The following SCAPER variants were observed in gnomAD, a reference collection of about 807,000 sequenced individuals.
The protein encoded by SCAPER is S phase cyclin A-associated protein in the endoplasmic reticulum.
SCAPER carries 98 observed loss-of-function variants against 182.2 expected under a neutral mutation model. The observed-to-expected ratio is 0.54, with a 90% CI of 0.46 to 0.64. The LOEUF (loss-of-function observed/expected upper bound fraction) is 0.64. Among genes scored for constraint, SCAPER ranks in the 30% least tolerant of loss-of-function variants. SCAPER has a pLI of 0.00. For synonymous variants in SCAPER, 605 were observed against 564.6 expected (o/e 1.07, Z -1.01); for missense variants, 1,432 against 1,690.0 (o/e 0.85, Z 2.68).
intron 21 of SCAPER, among the ~76,000 whole-genome samples, chr15:76,626,754 G>A (rs1308502629): frequency 6.6e-6 from 1 of 152,138 alleles, no homozygotes; most frequent in African/African-American, 2.4e-5. Context: ...ATGGGGCAGA[G>A]TAAGTGACAG....
chr15:76,444,384 A>C (rs2047846244), intron 25 of SCAPER, among the ~76,000 whole-genome samples: 1 of 152,208 alleles, frequency 6.6e-6, no homozygotes, highest in Admixed American at 6.5e-5. Flanking sequence ...GATGGAACTT[A>C]AGTTAAAAAA....
rs369481379 is a variant in SCAPER at position 76,835,305 on chromosome 15, TA to T, written c.393+6428del. ...AGAAAAACAAAACTGAACAATATAC[TA>T]GCAAACAGAATCAAGCAGCACATCA... On this transcript the variant is annotated intron_variant, in intron 5 of 31. Coordinates refer to ENST00000563290, the MANE Select transcript of SCAPER (RefSeq NM_020843.4). 8.2e-4 allele frequency among the ~76,000 whole-genome samples: 124 copies of T among 152,018 alleles called. 1 individual carries two copies. Among genetic ancestry groups the T allele is most frequent in the African/African-American group, 2.8e-3 (116 of 41,464 alleles).
At position 76,795,310 on chromosome 15, in the gene SCAPER, T is replaced by C; in HGVS notation, c.742A>G (p.Met248Val). The change falls in exon 8 of 32, where the codon ATG becomes GTG. Residue 248 changes from methionine to valine, a missense_variant. Met to Val is a conservative substitution (Grantham distance 21, BLOSUM62 1). Transcript: ENST00000563290. ...EITPAQSCPPMTVQKASRKNE... is the reference protein window; with the variant it reads ...EITPAQSCPPVTVQKASRKNE... The stretch of plus-strand genomic sequence containing the variant: ...TTGCGTGAGGCCTTCTGCACTGTCA[T>C]TGGTGGGCAAGACTGGGCGGGTGTT... 1 of 1,613,130 alleles carries C rather than the reference T, an allele frequency of 6.2e-7. No individual in the cohort carries two copies. The highest frequency in any genetic ancestry group is 1.3e-5 in the African/African-American group (1 of 75,020).
At chr15:76,418,107 C>A (rs2045783708) in intron 26 of SCAPER, among the ~76,000 whole-genome samples, 1 of 152,164 alleles carries the variant, frequency 6.6e-6, no homozygotes, top group South Asian at 2.1e-4. Flanking sequence ...TCCCCCTCCA[C>A]CCCAACAGGA....
chr15:76,633,412 C>G (rs1400612807), intron 21 of SCAPER, among the ~76,000 whole-genome samples: 1 of 152,226 alleles, frequency 6.6e-6, no homozygotes, highest in African/African-American at 2.4e-5. Context: ...GGAACGGGAT[C>G]AGGGTCTTGC....
At chr15:76,385,829 A>G (rs1418119595) in intron 27 of SCAPER, among the ~76,000 whole-genome samples, 1 of 152,220 alleles carries the variant, frequency 6.6e-6, no homozygotes, top group Admixed American at 6.5e-5. Context: ...TAGAGGCATT[A>G]CAGTCTAATA....
chr15:76,658,950 A>T (rs279996), intron 21 of SCAPER, among the ~76,000 whole-genome samples: 1 of 152,072 alleles, frequency 6.6e-6, no homozygotes, highest in South Asian at 2.1e-4. Flanking sequence ...AATGTGAAAC[A>T]TCAAACTATA....
chr15:76,839,343 T>A (rs1475088317), intron 5 of SCAPER, among the ~76,000 whole-genome samples: 2 of 152,184 alleles, frequency 1.3e-5, no homozygotes, highest in African/African-American at 2.4e-5. Context: ...AATGGCTGAA[T>A]CCACGTACAA....
chr15:76,735,110 G>C (rs889245566), intron 15 of SCAPER, among the ~76,000 whole-genome samples: 1 of 152,002 alleles, frequency 6.6e-6, no homozygotes. Flanking sequence ...CGTTAGGAGG[G>C]CCGGGCAGGA....
chr15:76,726,140 TATATATATATATATAA>T (rs1399083129), intron 17 of SCAPER, among the ~76,000 whole-genome samples: 19 of 124,782 alleles, frequency 1.5e-4, no homozygotes, highest in South Asian at 2.5e-4. Flanking sequence ...TATATATATA[TATATATATATATATAA>T]AAAACTCTAT....
chr15:76,359,233 A>G (rs558223513), intron 29 of SCAPER, among the ~76,000 whole-genome samples: 26 of 150,594 alleles, frequency 1.7e-4, no homozygotes, highest in Admixed American at 1.5e-3. Flanking sequence ...CCATCTCTCC[A>G]TAAGGACTAC....
chr15:76,648,811 T>A (rs1479908804), intron 21 of SCAPER, among the ~76,000 whole-genome samples: 1 of 152,250 alleles, frequency 6.6e-6, no homozygotes, highest in Non-Finnish European at 1.5e-5. Context: ...GGGAAAAAAG[T>A]ACCTGGTGGC....
At chr15:76,412,233 G>C (rs1040672770) in intron 26 of SCAPER, among the ~76,000 whole-genome samples, 3 of 152,138 alleles carry the variant, frequency 2.0e-5, no homozygotes, top group Middle Eastern at 3.2e-3. Context: ...AGGAATGATA[G>C]ATGGGGTTAT....
At chr15:76,438,384 G>A (rs919015476) in intron 25 of SCAPER, among the ~76,000 whole-genome samples, 15 of 152,062 alleles carry the variant, frequency 9.9e-5, no homozygotes, top group Non-Finnish European at 1.9e-4. Flanking sequence ...ATGTGGTTTG[G>A]GGACCAAATG....
chr15:76,423,833 T>C (rs1292166063), intron 26 of SCAPER, among the ~76,000 whole-genome samples: 1 of 152,244 alleles, frequency 6.6e-6, no homozygotes, highest in Admixed American at 6.5e-5. Flanking sequence ...TTGCTCTCAT[T>C]GGTTTCAAAG....
chr15:76,770,848 C>G (rs1416591040), intron 10 of SCAPER, among the ~76,000 whole-genome samples: 1 of 152,026 alleles, frequency 6.6e-6, no homozygotes, highest in Non-Finnish European at 1.5e-5. Context: ...CTAAAAGACA[C>G]AAGATGAAAA....
intron 21 of SCAPER, among the ~76,000 whole-genome samples, chr15:76,632,746 C>T (rs907963573): frequency 6.8e-6 from 1 of 147,064 alleles, no homozygotes. Context: ...GATTTATTTC[C>T]TTTGATCTCT....
At chr15:76,481,490 G>A (rs564289185) in intron 24 of SCAPER, among the ~76,000 whole-genome samples, 4 of 152,028 alleles carry the variant, frequency 2.6e-5, no homozygotes, top group Non-Finnish European at 4.4e-5. Context: ...CCTCATACAC[G>A]CTGCATATAT....
At chr15:76,572,927 A>T (rs1356322703) in intron 23 of SCAPER, among the ~76,000 whole-genome samples, 179 of 151,370 alleles carry the variant, frequency 1.2e-3, no homozygotes, top group African/African-American at 4.3e-3. Context: ...TCTCACACAC[A>T]CACACACACA....
Sources: allele counts gnomAD v4.1 joint callset (sites outside exome capture counted in the v4.1 genomes callset), GRCh38; gene constraint gnomAD v4.1.1; transcripts MANE v1.5; gene names NCBI Gene and HGNC (gene_info 2026-07-23, HGNC 2026-07-21).